Variants in ATP5MF observed in about 807,000 individuals in gnomAD.
ATP5MF encodes the protein ATP synthase F(0) complex subunit f, mitochondrial.
ATP5MF carries 10 observed loss-of-function variants against 13.8 expected under a neutral mutation model. That is an observed-to-expected ratio of 0.72 (90% confidence interval 0.45 to 1.23). ATP5MF has a LOEUF of 1.23. Among genes scored for constraint, ATP5MF ranks in the 50% most tolerant of loss-of-function variants. ATP5MF has a pLI of 0.00. For missense variants in ATP5MF, 122 were observed against 118.2 expected, an observed-to-expected ratio of 1.03 and a Z score of -0.15; for synonymous variants, 40 against 45.8, an observed-to-expected ratio of 0.87 and a Z score of 0.51.
chr7:99,464,859 T>C (rs1312689842), intron 1 of ATP5MF, among the ~76,000 whole-genome samples: 1 of 151,148 alleles, frequency 6.6e-6, no homozygotes, highest in Non-Finnish European at 1.5e-5. Flanking sequence ...TCCCAGATAC[T>C]TGGGAGGCTG....
At chr7:99,462,341 G>T (rs940971496) in intron 1 of ATP5MF, among the ~76,000 whole-genome samples, 1 of 149,004 alleles carries the variant, frequency 6.7e-6, no homozygotes, top group African/African-American at 2.5e-5. Context: ...GGTGGCGGGC[G>T]CCTGTAGTCC....
At chr7:99,461,007 C>T (rs904589646) in intron 1 of ATP5MF, among the ~76,000 whole-genome samples, 2 of 152,116 alleles carry the variant, frequency 1.3e-5, no homozygotes, top group South Asian at 2.1e-4. Context: ...AATGACTGAA[C>T]GGCCCCAGAT....
At position 99,460,128 on chromosome 7, in the gene ATP5MF, G is replaced by A. The variant is rs143569736; in HGVS notation, c.97C>T (p.Arg33Trp). ...AAAATGCCACTAGGACTGAAGTCCC[G>A]CATCAAGATCCAGCTTGGCAGCTCC... ...LGELPSWILM[R>W]DFSPSGIFGA... Residue 33 changes from arginine to tryptophan, a missense_variant, in exon 2 of 4, where the codon CGG (arginine) becomes TGG (tryptophan). Arg to Trp is a moderately radical substitution (Grantham distance 101, BLOSUM62 -3). Transcript: ENST00000292475. The A allele has an allele frequency of 1.9e-5, 30 of 1,614,120 alleles. No homozygotes were observed. Among genetic ancestry groups the A allele is most frequent in the Admixed American group, 1.8e-4 (11 of 60,002 alleles).
In ATP5MF at chr7:99,458,697, C is replaced by G. The variant is rs758507484; in HGVS notation, c.257-342G>C. 1.8e-4 allele frequency among the ~76,000 whole-genome samples: 28 copies of G among 152,216 alleles called. No homozygotes were observed. The East Asian group carries it at 2.9e-3, about 16-fold the overall frequency. ...GGGTAGGGGGTGTACACTACACTGT[C>G]AGAAACAGCCTAGTCAGAGGCTGCC... On this transcript the variant is annotated intron_variant, in intron 3 of 3. Coordinates refer to ENST00000292475, the MANE Select transcript of ATP5MF (RefSeq NM_004889.5).
At position 99,458,351 on chromosome 7, in the gene ATP5MF, G is replaced by C; in HGVS notation, c.261C>G (p.His87Gln). Residue 87 changes from histidine (H) to glutamine (Q), a missense_variant, in exon 4 of 4, where the codon CAC becomes CAG. Physicochemically the swap from His to Gln is conservative, Grantham distance 24 (BLOSUM62 0). Transcript: ENST00000292475. ...TTCAGTGGTATTTGCGGAGCCGCTC[G>C]TGCTCTGAAGTCAGGAAGGCAAGAT... ...SYSFSYKHLK[H>Q]ERLRKYH 5 of 1,607,756 alleles carry C rather than the reference G, an allele frequency of 3.1e-6. No homozygotes were observed. Among genetic ancestry groups the C allele is most frequent in the Non-Finnish European group, 4.2e-6 (5 of 1,177,870 alleles).
rs148634926 is a variant in ATP5MF at position 99,461,140 on chromosome 7, G to A, written c.32-947C>T. ...CCAGGGAGTGGGTGGGCCTGTGGGC[G>A]TCAAGGAGATGCATTTAAGAAAGGA... is the stretch of plus-strand genomic sequence containing the variant. On this transcript the variant is annotated intron_variant, in intron 1 of 3. Transcript: ENST00000292475. 4.9e-3 allele frequency among the ~76,000 whole-genome samples: 741 copies of A among 152,268 alleles called. 6 individuals carry two copies. Among genetic ancestry groups the A allele is most frequent in the African/African-American group, 0.017 (717 of 41,544 alleles).
intron 1 of ATP5MF, among the ~76,000 whole-genome samples, chr7:99,460,741 G>A (rs908435929): frequency 3.3e-5 from 5 of 152,146 alleles, no homozygotes; most frequent in African/African-American, 7.2e-5. Context: ...GAGGGGATGT[G>A]GAAGGAGAGC....
At chr7:99,460,293 A>G in intron 1 of ATP5MF, 100 bp from the exon 2 acceptor site, 1 of 1,311,142 alleles carries the variant, frequency 7.6e-7, no homozygotes, top group Admixed American at 1.8e-5. Context: ...ATAAAGGTGC[A>G]TAATGCAATT....
chr7:99,460,193 A>C lies in ATP5MF; in HGVS notation c.32T>G (p.Val11Gly). Residue 11 changes from valine to glycine, a missense_variant and splice_region_variant, in exon 2 of 4, where the codon GTA becomes GGA. Coordinates refer to ENST00000292475, the MANE Select transcript of ATP5MF (RefSeq NM_004889.5). ...CAGAAGTTTCTTGTCCTTCACTGGTACTGAAACGGAAGAGTGAGAAAAAAT... is the reference window on the plus strand; with the variant it reads ...CAGAAGTTTCTTGTCCTTCACTGGTCCTGAAACGGAAGAGTGAGAAAAAAT... Reference protein sequence around the residue: MASVGECPAPVPVKDKKLLEV... With the variant: MASVGECPAPGPVKDKKLLEV... The C allele has an allele frequency of 1.9e-6, 3 of 1,613,922 alleles. No homozygotes were observed. The South Asian group carries it at 3.3e-5, about 18-fold the overall frequency.
At chr7:99,462,341 G>A (rs940971496) in intron 1 of ATP5MF, among the ~76,000 whole-genome samples, 40 of 148,882 alleles carry the variant, frequency 2.7e-4, no homozygotes, top group South Asian at 4.3e-4. Context: ...GGTGGCGGGC[G>A]CCTGTAGTCC....
intron 1 of ATP5MF, among the ~76,000 whole-genome samples, chr7:99,463,954 T>C (rs1473916110): frequency 6.6e-6 from 1 of 152,204 alleles, no homozygotes; most frequent in Non-Finnish European, 1.5e-5. Flanking sequence ...TGAAATACTG[T>C]CTTTGTCCTC....
chr7:99,458,438 A>C (rs1798430000), intron 3 of ATP5MF, 83 bp from the exon 4 acceptor site: 7 of 1,403,180 alleles, frequency 5.0e-6, no homozygotes, highest in Non-Finnish European at 5.9e-6. Flanking sequence ...CTGAGATCAC[A>C]CAAAGCCTTC....
chr7:99,464,964 C>CAA (rs201117864), intron 1 of ATP5MF, among the ~76,000 whole-genome samples: 2 of 147,586 alleles, frequency 1.4e-5, no homozygotes, highest in African/African-American at 5.0e-5. Flanking sequence ...GACTCCATGT[C>CAA]AAAAAAAAAG....
At chr7:99,463,912 C>G (rs1045174046) in intron 1 of ATP5MF, among the ~76,000 whole-genome samples, 6 of 152,248 alleles carry the variant, frequency 3.9e-5, no homozygotes, top group African/African-American at 9.6e-5. Context: ...TCTACTGCTG[C>G]TAATTCATAT....
intron 1 of ATP5MF, among the ~76,000 whole-genome samples, chr7:99,462,053 G>T (rs1408007016): frequency 6.6e-6 from 1 of 151,966 alleles, no homozygotes; most frequent in African/African-American, 2.4e-5. Flanking sequence ...TCAGGGGCTG[G>T]CATGGAGCCT....
chr7:99,464,642 G>A (rs994564237), intron 1 of ATP5MF, among the ~76,000 whole-genome samples: 20 of 151,758 alleles, frequency 1.3e-4, no homozygotes, highest in African/African-American at 3.9e-4. Context: ...CAGCCTGGGC[G>A]ACAGAGCGAG....
At chr7:99,462,546 G>C (rs1798664036) in intron 1 of ATP5MF, among the ~76,000 whole-genome samples, 1 of 152,176 alleles carries the variant, frequency 6.6e-6, no homozygotes, top group African/African-American at 2.4e-5. Context: ...GGAGGCCAAG[G>C]CAGGCAGATC....
At chr7:99,465,152 C>T (rs904839962) in intron 1 of ATP5MF, among the ~76,000 whole-genome samples, 2 of 151,306 alleles carry the variant, frequency 1.3e-5, no homozygotes, top group East Asian at 2.0e-4. Flanking sequence ...CCCAGCTACT[C>T]GGAGGCTGAG....
chr7:99,460,628 TCACA>T, intron 1 of ATP5MF: 1 of 451,024 alleles, frequency 2.2e-6, no homozygotes, highest in East Asian at 6.5e-5. Context: ...GTGACCAAAG[TCACA>T]CACACAACGT....
Sources: allele counts gnomAD v4.1 joint callset (sites outside exome capture counted in the v4.1 genomes callset), GRCh38; gene constraint gnomAD v4.1.1; transcripts MANE v1.5; gene names NCBI Gene and HGNC (gene_info 2026-07-23, HGNC 2026-07-21).